The following CNTNAP2 variants were observed in gnomAD, a reference collection of about 807,000 sequenced individuals.
CNTNAP2 encodes the protein contactin associated protein 2, also known as contactin-associated protein-like 2.
Under a neutral mutation model 155.2 loss-of-function variants are expected in CNTNAP2, and 98 were observed. The ratio of observed to expected loss-of-function variants is 0.63; its 90% CI spans 0.54 to 0.75. The LOEUF (loss-of-function observed/expected upper bound fraction) is 0.75. CNTNAP2 is among the 30% of genes least tolerant of loss of function. The pLI is 0.00. For missense variants in CNTNAP2, 1,727 were observed against 1,688.1 expected (o/e 1.02, Z -0.40); for synonymous variants, 651 against 631.2 (o/e 1.03, Z -0.47).
At chr7:146,657,929 C>G (rs1800022387) in intron 1 of CNTNAP2, among the ~76,000 whole-genome samples, 1 of 150,564 alleles carries the variant, frequency 6.6e-6, no homozygotes, top group African/African-American at 2.4e-5. Flanking sequence ...TTAAAAAAAC[C>G]AATAATGCCA....
At chr7:147,440,161 C>T (rs903639461) in intron 10 of CNTNAP2, among the ~76,000 whole-genome samples, 14 of 151,736 alleles carry the variant, frequency 9.2e-5, no homozygotes, top group Non-Finnish European at 1.9e-4. Flanking sequence ...TTCCTGTCTT[C>T]CTTTTAGTGA....
intron 11 of CNTNAP2, among the ~76,000 whole-genome samples, chr7:147,528,690 T>C (rs1012070986): frequency 7.2e-5 from 11 of 152,164 alleles, no homozygotes; most frequent in African/African-American, 9.7e-5. Context: ...GGGAGCTAGG[T>C]TGGCCCACAC....
In CNTNAP2 at chr7:146,775,112, G is replaced by A. The variant is rs115541155; in HGVS notation, c.208+731G>A. 3.0e-3 allele frequency among the ~76,000 whole-genome samples: 460 copies of A among 152,286 alleles called. 5 individuals are homozygous for A. Among genetic ancestry groups the A allele is most frequent in the African/African-American group, 0.01 (431 of 41,564 alleles). On this transcript the variant is annotated intron_variant, in intron 2 of 23. Transcript: ENST00000361727. The stretch of plus-strand genomic sequence containing the variant: ...TGAATCAACAAACAGAGACCATGAT[G>A]TTTAATTCAGTAAAACAGGAATGGT...
intron 3 of CNTNAP2, among the ~76,000 whole-genome samples, chr7:146,864,927 G>A (rs1795172620): frequency 7.2e-6 from 1 of 139,386 alleles, no homozygotes; most frequent in Admixed American, 7.7e-5. Flanking sequence ...GCTCCCAGGA[G>A]TTCAAGGTTG....
chr7:146,246,211 A>G (rs34315245), intron 1 of CNTNAP2, among the ~76,000 whole-genome samples: 20,828 of 149,290 alleles, frequency 0.14, 2,106 homozygotes, highest in African/African-American at 0.28. Context: ...AGGGAGTAGA[A>G]GTATCTTATA....
At chr7:147,543,461 G>A (rs1014493348) in intron 11 of CNTNAP2, among the ~76,000 whole-genome samples, 20 of 152,158 alleles carry the variant, frequency 1.3e-4, no homozygotes, top group African/African-American at 4.8e-4. Context: ...CAGATTTTGA[G>A]GGGCCTGCTC....
intron 21 of CNTNAP2, among the ~76,000 whole-genome samples, chr7:148,323,294 CTTTTTTTTTT>C (rs60109355): frequency 1.2e-4 from 6 of 49,464 alleles, no homozygotes; most frequent in South Asian, 1.1e-3. Context: ...TTATGGATTT[CTTTTTTTTTT>C]TTTTTTTTTT....
In CNTNAP2 at chr7:147,638,302, G is replaced by A. The variant is rs776770134; in HGVS notation, c.1898-804G>A. 5.9e-5 allele frequency among the ~76,000 whole-genome samples: 9 copies of A among 152,196 alleles called. 1 individual carries two copies. Among genetic ancestry groups the A allele is most frequent in the Middle Eastern group, 6.8e-3 (2 of 294 alleles). On this transcript the variant is annotated intron_variant, in intron 12 of 23. Transcript: ENST00000361727. ...CAGGGATCCTAGTTTTATCTTAGAG[G>A]AAATGGTATTTAGTGATCACAGTCT...
At chr7:147,737,683 G>A (rs977424657) in intron 13 of CNTNAP2, among the ~76,000 whole-genome samples, 5 of 152,170 alleles carry the variant, frequency 3.3e-5, no homozygotes, top group Non-Finnish European at 7.3e-5. Context: ...GAGTTTCCCG[G>A]CCACTTTGTT....
chr7:147,608,947 G>A (rs1801127469), intron 12 of CNTNAP2, among the ~76,000 whole-genome samples: 1 of 152,142 alleles, frequency 6.6e-6, no homozygotes, highest in Admixed American at 6.5e-5. Flanking sequence ...TCTGAGCCAG[G>A]AGAAGGAATT....
intron 15 of CNTNAP2, among the ~76,000 whole-genome samples, chr7:148,015,769 T>C (rs1802166132): frequency 6.6e-6 from 1 of 152,206 alleles, no homozygotes; most frequent in South Asian, 2.1e-4. Flanking sequence ...AATTGATTTT[T>C]TGTTTCAGGA....
Position 146,927,961 on chromosome 7 carries a change from T to TATATATATATATATATAA in CNTNAP2, c.402+88068_402+88085dup, listed in dbSNP as rs1796641917. ...TAGAGAAAGTTATATAATGTGTGTG[T>TATATATATATATATATAA]ATATATATATATATATAAATATATA... On this transcript the variant is annotated intron_variant, in intron 3 of 23. Coordinates refer to ENST00000361727, the MANE Select transcript of CNTNAP2 (RefSeq NM_014141.6). 9.4e-5 allele frequency among the ~76,000 whole-genome samples: 5 copies of TATATATATATATATATAA among 53,200 alleles called. No homozygotes were observed. In the South Asian group the frequency reaches 2.4e-3, roughly 25 times the overall value. 34.9% of individuals were successfully genotyped at this position (53,200 alleles called of 152,430 possible).
intron 13 of CNTNAP2, among the ~76,000 whole-genome samples, chr7:147,656,570 T>C (rs530154462): frequency 6.6e-6 from 1 of 152,294 alleles, no homozygotes; most frequent in East Asian, 1.9e-4. Flanking sequence ...CAGTCAGAAC[T>C]CACATAATTA....
Position 146,333,029 on chromosome 7 carries a change from C to T in CNTNAP2, c.97+216056C>T, listed in dbSNP as rs889632716. On this transcript the variant is annotated intron_variant, in intron 1 of 23. Transcript: ENST00000361727. ...TGCGATCTCGGCTTACTGCAATCTC[C>T]GCCTCCCAGGCTCAAGTGATTCTCC... Among the ~76,000 whole-genome samples, 21 of 148,968 alleles carry T rather than the reference C, an allele frequency of 1.4e-4. 1 individual carries two copies. The highest frequency in any genetic ancestry group is 1.1e-3 in the South Asian group (5 of 4,712).
chr7:147,680,975 A>G (rs765517777), intron 13 of CNTNAP2, among the ~76,000 whole-genome samples: 7 of 151,918 alleles, frequency 4.6e-5, no homozygotes, highest in Non-Finnish European at 1.0e-4. Flanking sequence ...ACTCATGTAT[A>G]AAGACAGAAT....
At chr7:147,507,550 CTTTTTTTTTTT>C (rs3052511) in intron 11 of CNTNAP2, among the ~76,000 whole-genome samples, 2 of 82,022 alleles carry the variant, frequency 2.4e-5, no homozygotes, top group Admixed American at 1.6e-4. Context: ...CTCTTTCTTT[CTTTTTTTTTTT>C]TTTTTTTTTT....
chr7:147,112,527 A>G (rs951725714), intron 5 of CNTNAP2, among the ~76,000 whole-genome samples: 1 of 152,104 alleles, frequency 6.6e-6, no homozygotes, highest in Non-Finnish European at 1.5e-5. Context: ...GGCTCTTACT[A>G]TTTTGAGGTA....
At chr7:146,526,079 T>TA (rs893230397) in intron 1 of CNTNAP2, among the ~76,000 whole-genome samples, 6 of 151,746 alleles carry the variant, frequency 4.0e-5, no homozygotes, top group East Asian at 3.9e-4. Flanking sequence ...TATGTTAGGG[T>TA]AAAAAAACCA....
In CNTNAP2 at chr7:146,826,930, A is replaced by G. The variant is rs950364068; in HGVS notation, c.209-12781A>G. On this transcript the variant is annotated intron_variant, in intron 2 of 23. Coordinates refer to ENST00000361727, the MANE Select transcript of CNTNAP2 (RefSeq NM_014141.6). ...ATAAATTAAGCCAAGAATAAAATCT[A>G]GAATAAATACAGTAACTGCTCTGGA... 1.1e-4 allele frequency among the ~76,000 whole-genome samples: 16 copies of G among 151,758 alleles called. No individual in the cohort carries two copies. The South Asian group carries it at 1.7e-3, about 16-fold the overall frequency.
Sources: gnomAD v4.1 joint callset for allele counts (sites outside exome capture counted in the v4.1 genomes callset) on GRCh38, gnomAD v4.1.1 for gene constraint, MANE v1.5 for transcripts, NCBI Gene and HGNC (gene_info 2026-07-23, HGNC 2026-07-21) for gene names.